The following PXDNL variants were observed in gnomAD, a reference collection of about 807,000 sequenced individuals.
PXDNL encodes peroxidasin like, also known as probable oxidoreductase PXDNL.
PXDNL carries 145 observed loss-of-function variants against 150.8 expected under a neutral mutation model. The ratio of observed to expected loss-of-function variants is 0.96; its 90% CI spans 0.84 to 1.10. The LOEUF is 1.10. Ranked by LOEUF, PXDNL falls within the 50% of genes least tolerant of loss-of-function variation. The probability of loss-of-function intolerance (pLI) is 0.00; values close to 1 mark genes in which losing one functional copy is unlikely to be tolerated. For synonymous variants in PXDNL, 757 were observed against 725.7 expected (o/e 1.04, Z -0.69); for missense variants, 2,087 against 1,873.9 (o/e 1.11, Z -2.10).
intron 17 of PXDNL, among the ~76,000 whole-genome samples, chr8:51,402,153 A>G (rs1327832230): frequency 1.3e-5 from 2 of 152,250 alleles, no homozygotes; most frequent in East Asian, 1.9e-4. Flanking sequence ...TCTATTTTTA[A>G]TATAGAGTGA....
chr8:51,330,635 A>G (rs1273744562), intron 21 of PXDNL, among the ~76,000 whole-genome samples: 1 of 152,212 alleles, frequency 6.6e-6, no homozygotes, highest in African/African-American at 2.4e-5. Flanking sequence ...ATGGTTATCA[A>G]CTACATTCAC....
At chr8:51,711,742 A>G (rs1415219466) in intron 1 of PXDNL, among the ~76,000 whole-genome samples, 1 of 152,254 alleles carries the variant, frequency 6.6e-6, no homozygotes, top group Admixed American at 6.5e-5. Context: ...CACTGTTTCC[A>G]AAAGTATATA....
chr8:51,629,038 A>G (rs758232475), intron 2 of PXDNL, among the ~76,000 whole-genome samples: 1 of 152,186 alleles, frequency 6.6e-6, no homozygotes, highest in Non-Finnish European at 1.5e-5. Flanking sequence ...ATTGTCCATG[A>G]TGAAACAAAC....
intron 17 of PXDNL, among the ~76,000 whole-genome samples, chr8:51,393,460 T>C (rs1458149816): frequency 2.0e-5 from 3 of 152,244 alleles, no homozygotes; most frequent in African/African-American, 7.2e-5. Flanking sequence ...AGAGCCTTTA[T>C]TGCTGTATTG....
At chr8:51,743,346 T>C (rs997940259) in intron 1 of PXDNL, among the ~76,000 whole-genome samples, 1 of 151,728 alleles carries the variant, frequency 6.6e-6, no homozygotes, top group African/African-American at 2.4e-5. Context: ...GCCTCCTGAG[T>C]AGTTGGGATT....
At chr8:51,436,355 C>A (rs1809407960) in intron 12 of PXDNL, 13 of 438,266 alleles carry the variant, frequency 3.0e-5, no homozygotes, top group South Asian at 2.3e-4. Context: ...TTTGGAGGAC[C>A]AACTTTATAT....
chr8:51,701,839 T>G (rs886128561), intron 1 of PXDNL, among the ~76,000 whole-genome samples: 5 of 152,164 alleles, frequency 3.3e-5, no homozygotes, highest in Non-Finnish European at 7.4e-5. Flanking sequence ...TCTCTTTGTT[T>G]AGAACCAAGT....
chr8:51,426,890 G>C, intron 12 of PXDNL, 132 bp from the exon 13 acceptor site: 1 of 582,906 alleles, frequency 1.7e-6, no homozygotes, highest in Non-Finnish European at 3.0e-6. Flanking sequence ...TCAATTACTT[G>C]GACGTCTAGG....
At chr8:51,709,080 G>A (rs1816442579) in intron 1 of PXDNL, among the ~76,000 whole-genome samples, 2 of 152,118 alleles carry the variant, frequency 1.3e-5, no homozygotes, top group African/African-American at 4.8e-5. Flanking sequence ...TCAATTAGCA[G>A]ATAAATGTAG....
chr8:51,518,170 C>T (rs539704959), intron 4 of PXDNL, among the ~76,000 whole-genome samples: 4 of 152,302 alleles, frequency 2.6e-5, no homozygotes, highest in African/African-American at 9.6e-5. Context: ...GGCTAACTCT[C>T]ATACCTACTG....
intron 20 of PXDNL, among the ~76,000 whole-genome samples, chr8:51,342,020 A>C (rs1169214251): frequency 6.6e-6 from 1 of 152,204 alleles, no homozygotes; most frequent in Non-Finnish European, 1.5e-5. Flanking sequence ...TACCTGCAAA[A>C]TTATTCATAA....
At position 51,447,009 on chromosome 8, in the gene PXDNL, G is replaced by C; in HGVS notation, c.1520C>G (p.Pro507Arg). Residue 507 changes from proline (P) to arginine (R), a missense_variant, in exon 12 of 23, where the codon CCC becomes CGC. Pro to Arg is a moderately radical substitution (Grantham distance 103, BLOSUM62 -2). Transcript: ENST00000356297. ...TGAATCACAGTATATATTACCTTTG[G>C]GTTTTACAGTCAGCTGCACAGACAC... ...KKVSVQLTVK[P>R]KALAVFTQLP... 1.2e-6 allele frequency: 2 copies of C among 1,613,690 alleles called. No individual in the cohort carries two copies. Among genetic ancestry groups the C allele is most frequent in the Non-Finnish European group, 1.7e-6 (2 of 1,179,830 alleles).
In PXDNL at chr8:51,472,232, C is replaced by G. The variant is rs183082353; in HGVS notation, c.767G>C (p.Arg256Pro). The G allele has an allele frequency of 6.2e-7, 1 of 1,613,498 alleles. No individual in the cohort carries two copies. Among genetic ancestry groups the G allele is most frequent in the South Asian group, 1.1e-5 (1 of 91,050 alleles). ...PSGNTVYFTC[R>P]AEGNPKPEII... ...CTCAGGTTTGGGGTTTCCTTCCGCC[C>G]GGCAGGTGAAGTAGACGGTATTTCC... The change falls in exon 8 of 23, where the codon CGG becomes CCG. Residue 256 changes from arginine to proline, a missense_variant. Transcript: ENST00000356297.
rs1813106525 is a variant in PXDNL at position 51,577,983 on chromosome 8, GAAA to G, written c.308+14641_308+14643del. On this transcript the variant is annotated intron_variant, in intron 3 of 22. Coordinates refer to ENST00000356297, the MANE Select transcript of PXDNL (RefSeq NM_144651.5). The stretch of plus-strand genomic sequence containing the variant: ...AGAAAGAAAGAAAGAAAGAAAGAAA[GAAA>G]GAAAGAAAGAAAGAGGAAGGAAGGA... Among the ~76,000 whole-genome samples the G allele has an allele frequency of 9.0e-3, 731 of 80,888 alleles. 1 individual carries two copies. The highest frequency in any genetic ancestry group is 0.012 in the Non-Finnish European group (474 of 39,320). The allele number at this position is 80,888 out of a possible 152,430, so 53.1% of individuals were successfully genotyped here. A position where few individuals can be genotyped will look rare whatever the true frequency, so the allele number is the denominator to read the frequency against.
At chr8:51,763,925 G>T (rs544389581) in intron 1 of PXDNL, among the ~76,000 whole-genome samples, 6 of 152,218 alleles carry the variant, frequency 3.9e-5, no homozygotes, top group African/African-American at 1.4e-4. Context: ...ATTCTTCAGC[G>T]AAGTCACCTG....
At chr8:51,658,096 C>T (rs1228375066) in intron 1 of PXDNL, among the ~76,000 whole-genome samples, 2 of 152,036 alleles carry the variant, frequency 1.3e-5, no homozygotes, top group African/African-American at 4.8e-5. Context: ...GTAATCCCAG[C>T]ACTTTGGGAG....
At chr8:51,779,078 C>T (rs980926012) in intron 1 of PXDNL, among the ~76,000 whole-genome samples, 1 of 152,044 alleles carries the variant, frequency 6.6e-6, no homozygotes, top group Non-Finnish European at 1.5e-5. Context: ...AACAAAGAAA[C>T]ATGTTAAAAT....
chr8:51,586,074 G>A (rs1291249635), intron 3 of PXDNL, among the ~76,000 whole-genome samples: 1 of 152,124 alleles, frequency 6.6e-6, no homozygotes, highest in Non-Finnish European at 1.5e-5. Context: ...AGGTGATTAA[G>A]CTGCTTCATC....
chr8:51,498,324 T>C, intron 5 of PXDNL, among the ~76,000 whole-genome samples: 2 of 151,404 alleles, frequency 1.3e-5, no homozygotes, highest in Admixed American at 6.6e-5. Context: ...GAGATATACC[T>C]AATGTTAAAT....
Sources: allele counts gnomAD v4.1 joint callset (sites outside exome capture counted in the v4.1 genomes callset), GRCh38; gene constraint gnomAD v4.1.1; transcripts MANE v1.5; gene names NCBI Gene and HGNC (gene_info 2026-07-23, HGNC 2026-07-21).